Variants in BLK observed in about 807,000 individuals in gnomAD.
BLK encodes the protein BLK proto-oncogene, Src family tyrosine kinase.
BLK carries 64 observed loss-of-function variants against 61.8 expected under a neutral mutation model. That is an observed-to-expected ratio of 1.03 (90% CI 0.85 to 1.27). The LOEUF (loss-of-function observed/expected upper bound fraction) is 1.27, where lower values mean the gene tolerates loss of function less well. BLK is among the 50% of genes most tolerant of loss of function. The pLI is 0.00. For missense variants in BLK, 853 were observed against 660.5 expected, an observed-to-expected ratio of 1.29 and a Z score of -3.19; for synonymous variants, 351 against 272.0, an observed-to-expected ratio of 1.29 and a Z score of -2.86.
chr8:11,498,849 G>A (rs538555544), intron 1 of BLK, among the ~76,000 whole-genome samples: 38 of 152,342 alleles, frequency 2.5e-4, no homozygotes, highest in African/African-American at 8.9e-4. Flanking sequence ...GTGAGTTGAA[G>A]CTGAGGAGCA....
At chr8:11,559,436 CACAG>C (rs1299606418) in intron 10 of BLK, among the ~76,000 whole-genome samples, 1 of 151,772 alleles carries the variant, frequency 6.6e-6, no homozygotes, top group Admixed American at 6.6e-5. Context: ...CACAAACTCA[CACAG>C]ACACACAAAT....
intron 1 of BLK, among the ~76,000 whole-genome samples, chr8:11,526,524 G>T (rs771195598): frequency 1.3e-5 from 2 of 152,144 alleles, no homozygotes; most frequent in African/African-American, 2.4e-5. Context: ...TTTGAGACCA[G>T]CCTGGGCAAA....
At chr8:11,544,647 T>C (rs1045511915) in intron 2 of BLK, among the ~76,000 whole-genome samples, 1 of 152,150 alleles carries the variant, frequency 6.6e-6, no homozygotes, top group Non-Finnish European at 1.5e-5. Flanking sequence ...AGTCACATAA[T>C]ATGTATATGG....
intron 1 of BLK, among the ~76,000 whole-genome samples, chr8:11,532,216 T>A (rs143175355): frequency 0.036 from 3,902 of 108,400 alleles, 121 homozygotes; most frequent in African/African-American, 0.085. Context: ...TTTATTTATT[T>A]GAGACAAAAT....
Position 11,549,004 on chromosome 8 carries a change from G to A in BLK, c.270-20G>A. The A allele has an allele frequency of 6.3e-7, 1 of 1,592,942 alleles. No individual in the cohort carries two copies. The highest frequency in any genetic ancestry group is 2.2e-5 in the East Asian group (1 of 44,462). The stretch of plus-strand genomic sequence containing the variant: ...CTACAGGGGCCATGATCTCATCTCT[G>A]TTTCCCCTGCTCCCATTAGAACTGG... On this transcript the variant is annotated intron_variant, in intron 4 of 12. Coordinates refer to ENST00000259089, the MANE Select transcript of BLK (RefSeq NM_001715.3).
intron 1 of BLK, among the ~76,000 whole-genome samples, chr8:11,498,617 G>A (rs1482993937): frequency 6.6e-6 from 1 of 152,166 alleles, no homozygotes; most frequent in African/African-American, 2.4e-5. Context: ...TTAGACGGCT[G>A]GCCTTGTCAA....
Position 11,543,204 on chromosome 8 carries a change from C to T in BLK, c.-1-20C>T, listed in dbSNP as rs190640592. The T allele has an allele frequency of 1.2e-6, 2 of 1,613,614 alleles. No individual in the cohort carries two copies. The highest frequency in any genetic ancestry group is 1.7e-6 in the Non-Finnish European group (2 of 1,179,930). ...GGCCCCGCTCTCTCATGTCCTCTGT[C>T]TGCTGTGTGTCTCCGACAGGATGGG... is the stretch of plus-strand genomic sequence containing the variant. On this transcript the variant is annotated intron_variant, in intron 1 of 12. Transcript: ENST00000259089.
rs1798289576 is a variant in BLK at position 11,494,436 on chromosome 8, C to G, written c.-157C>G. 1.3e-5 allele frequency: 2 copies of G among 152,372 alleles called. No homozygotes were observed. Among genetic ancestry groups the G allele is most frequent in the Admixed American group, 6.5e-5 (1 of 15,308 alleles). The allele number at this position is 152,372 out of a possible 1,614,324, so 9.4% of individuals were successfully genotyped here. A position where few individuals can be genotyped will look rare whatever the true frequency, so the allele number is the denominator to read the frequency against. ...TCTGCTGCCGGCAGAAAGCCACAAG[C>G]CATGAAAACTGATTGAGATGAGAAG... On this transcript the variant is annotated 5_prime_UTR_variant, in exon 1 of 13. Transcript: ENST00000259089.
chr8:11,505,701 C>G (rs895157693), intron 1 of BLK, among the ~76,000 whole-genome samples: 7 of 152,166 alleles, frequency 4.6e-5, no homozygotes, highest in African/African-American at 1.7e-4. Flanking sequence ...TATCACCGCA[C>G]AGGGTAAAGC....
intron 1 of BLK, among the ~76,000 whole-genome samples, chr8:11,501,066 G>A (rs992263935): frequency 1.1e-4 from 16 of 151,950 alleles, no homozygotes; most frequent in African/African-American, 3.9e-4. Context: ...AAAATTAGCT[G>A]GGCATGGTGG....
rs113757867 is a variant in BLK, at chr8:11,504,812, G to A, written c.-2+10221G>A. ...ACCCTGGTGCTCTCCAGCATGTGGTGTTTGGCCTAAGTGGCCCATGTGGAC... is the reference window on the plus strand; with the variant it reads ...ACCCTGGTGCTCTCCAGCATGTGGTATTTGGCCTAAGTGGCCCATGTGGAC... On this transcript the variant is annotated intron_variant, in intron 1 of 12. Coordinates refer to ENST00000259089, the MANE Select transcript of BLK (RefSeq NM_001715.3). Among the ~76,000 whole-genome samples the A allele has an allele frequency of 3.9e-3, 587 of 152,342 alleles. 2 individuals are homozygous for A. The highest frequency in any genetic ancestry group is 0.014 in the African/African-American group (572 of 41,576).
chr8:11,547,448 C>G (rs953777986), intron 3 of BLK, among the ~76,000 whole-genome samples: 4 of 152,192 alleles, frequency 2.6e-5, no homozygotes, highest in Non-Finnish European at 4.4e-5. Flanking sequence ...GTGCTCCAAG[C>G]TCCTGAGCCC....
intron 1 of BLK, among the ~76,000 whole-genome samples, chr8:11,525,906 G>A (rs529012490): frequency 2.6e-5 from 4 of 152,072 alleles, no homozygotes; most frequent in South Asian, 2.1e-4. Context: ...CACCATGTCC[G>A]GCTGATTTTT....
intron 6 of BLK, among the ~76,000 whole-genome samples, chr8:11,551,096 G>A (rs1800878641): frequency 3.9e-5 from 6 of 152,058 alleles, no homozygotes; most frequent in Admixed American, 3.9e-4. Context: ...TCGCCACCAT[G>A]TCTTGTCTGT....
intron 4 of BLK, 133 bp from the exon 5 acceptor site, chr8:11,548,891 T>C: frequency 1.2e-6 from 1 of 835,086 alleles, no homozygotes. Context: ...AGCCCCTTCC[T>C]GCCTGCCGTA....
rs377381294 is a variant in BLK, at chr8:11,555,326, A to C, written c.620-6A>C. On this transcript the variant is annotated splice_region_variant and splice_polypyrimidine_tract_variant and intron_variant, in intron 7 of 12. Coordinates refer to ENST00000259089, the MANE Select transcript of BLK (RefSeq NM_001715.3). The stretch of plus-strand genomic sequence containing the variant: ...CCCCAGCCCTGTCTTTTCTTCCCTA[A>C]TGCAGAGAAGGGGGATGGTCTATGC... 4 of 1,613,858 alleles carry C rather than the reference A, an allele frequency of 2.5e-6. No individual in the cohort carries two copies. Among genetic ancestry groups the C allele is most frequent in the Admixed American group, 1.7e-5 (1 of 59,994 alleles).
intron 10 of BLK, chr8:11,560,494 GAA>G: frequency 8.1e-6 from 2 of 247,066 alleles, no homozygotes; most frequent in South Asian, 5.1e-5. Flanking sequence ...CTGGCTTCTT[GAA>G]GTCGCATGTC....
At chr8:11,549,307 G>A (rs530418915) in intron 5 of BLK, among the ~76,000 whole-genome samples, 185 bp downstream of exon 5, 6 of 152,246 alleles carry the variant, frequency 3.9e-5, no homozygotes, top group Admixed American at 3.3e-4. Context: ...CATTCAGACT[G>A]CTGTGTGACA....
At chr8:11,507,711 C>T (rs1798830902) in intron 1 of BLK, among the ~76,000 whole-genome samples, 1 of 152,126 alleles carries the variant, frequency 6.6e-6, no homozygotes, top group East Asian at 1.9e-4. Flanking sequence ...AAAGATCAGC[C>T]AGGCCTAGGG....
Sources: gnomAD v4.1 joint callset for allele counts (sites outside exome capture counted in the v4.1 genomes callset) on GRCh38, gnomAD v4.1.1 for gene constraint, MANE v1.5 for transcripts, NCBI Gene and HGNC (gene_info 2026-07-23, HGNC 2026-07-21) for gene names.